The following ZNF804B variants were observed in gnomAD, a reference collection of about 807,000 sequenced individuals.
The protein encoded by ZNF804B is zinc finger protein 804B.
In ZNF804B, 80 loss-of-function variants were observed where a neutral mutation model predicts 101.4. That is an observed-to-expected ratio of 0.79 (90% CI 0.66 to 0.95). The LOEUF is 0.95. ZNF804B is among the 40% of genes least tolerant of loss of function. The pLI is 0.00. For missense variants in ZNF804B, 1,673 were observed against 1,561.9 expected (o/e 1.07, Z -1.20); for synonymous variants, 622 against 558.8 (o/e 1.11, Z -1.59).
chr7:88,796,510 T>C (rs1790487839), intron 1 of ZNF804B, among the ~76,000 whole-genome samples: 1 of 152,164 alleles, frequency 6.6e-6, no homozygotes. Context: ...ACTCTCATTC[T>C]TCTTACAGCT....
At chr7:89,231,606 T>C (rs1789192284) in intron 2 of ZNF804B, among the ~76,000 whole-genome samples, 1 of 152,060 alleles carries the variant, frequency 6.6e-6, no homozygotes, top group African/African-American at 2.4e-5. Flanking sequence ...TTAAATTGCC[T>C]TTAATTTATT....
intron 1 of ZNF804B, among the ~76,000 whole-genome samples, chr7:88,911,000 G>A (rs1458561364): frequency 6.6e-6 from 1 of 151,950 alleles, no homozygotes; most frequent in Non-Finnish European, 1.5e-5. Context: ...ATTTGTATTA[G>A]GAAATAAGAG....
At chr7:88,804,720 A>G (rs1790658135) in intron 1 of ZNF804B, among the ~76,000 whole-genome samples, 2 of 152,132 alleles carry the variant, frequency 1.3e-5, no homozygotes, top group South Asian at 4.1e-4. Flanking sequence ...ATAACCTATT[A>G]TGCTAAAATG....
At chr7:89,171,019 G>C (rs1016672334) in intron 1 of ZNF804B, among the ~76,000 whole-genome samples, 1 of 152,110 alleles carries the variant, frequency 6.6e-6, no homozygotes, top group African/African-American at 2.4e-5. Flanking sequence ...CTTATTCTTG[G>C]TAGGATTAAC....
Position 89,251,953 on chromosome 7 carries a change from C to G in ZNF804B, c.249+33658C>G, listed in dbSNP as rs1278909167. Among the ~76,000 whole-genome samples the G allele has an allele frequency of 2.0e-5, 3 of 152,102 alleles. No homozygotes were observed. In the East Asian group the frequency reaches 5.8e-4, roughly 29 times the overall value. ...ATGTAAGACCTCAAACTATAAAAAT[C>G]CTAGAAGAGAACCTAAGAAATGGCA... On this transcript the variant is annotated intron_variant, in intron 2 of 3. Coordinates refer to ENST00000333190, the MANE Select transcript of ZNF804B (RefSeq NM_181646.5).
At chr7:88,788,512 C>T (rs753754214) in intron 1 of ZNF804B, among the ~76,000 whole-genome samples, 1 of 152,176 alleles carries the variant, frequency 6.6e-6, no homozygotes, top group Non-Finnish European at 1.5e-5. Flanking sequence ...CCATTAGTTA[C>T]TGTCAACATT....
chr7:89,245,997 C>A (rs188155715), intron 2 of ZNF804B, among the ~76,000 whole-genome samples: 2 of 152,128 alleles, frequency 1.3e-5, no homozygotes, highest in Non-Finnish European at 2.9e-5. Context: ...CTGGGAAAAG[C>A]TGCAGACATT....
At position 89,218,157 on chromosome 7, in the gene ZNF804B, T is replaced by G. The variant is rs1189636044; in HGVS notation, c.111T>G (p.Asp37Glu). Reference protein sequence around the residue: ...PLCKNGSPSPDFAEKKSTAKA... With the variant: ...PLCKNGSPSPEFAEKKSTAKA... The stretch of plus-strand genomic sequence containing the variant: ...CATTTATGTATTTTTTCTTAAAGGA[T>G]TTTGCAGAAAAGAAGTCCACAGCAA... Residue 37 changes from aspartate (D) to glutamate (E), a missense_variant and splice_region_variant, in exon 2 of 4, where the codon GAT becomes GAG. Coordinates refer to ENST00000333190, the MANE Select transcript of ZNF804B (RefSeq NM_181646.5). The G allele has an allele frequency of 1.2e-6, 2 of 1,610,556 alleles. No homozygotes were observed. Among genetic ancestry groups the G allele is most frequent in the Non-Finnish European group, 1.7e-6 (2 of 1,178,920 alleles).
chr7:89,283,594 A>G (rs1464876984), intron 2 of ZNF804B, among the ~76,000 whole-genome samples: 1 of 152,194 alleles, frequency 6.6e-6, no homozygotes, highest in Non-Finnish European at 1.5e-5. Flanking sequence ...TACTATTTAT[A>G]TTCACATTGT....
At chr7:88,849,844 G>A (rs1212111354) in intron 1 of ZNF804B, among the ~76,000 whole-genome samples, 1 of 151,420 alleles carries the variant, frequency 6.6e-6, no homozygotes, top group Non-Finnish European at 1.5e-5. Flanking sequence ...AAAAATATTT[G>A]CCTTATTTAA....
intron 1 of ZNF804B, among the ~76,000 whole-genome samples, chr7:88,835,890 T>A (rs956122215): frequency 6.6e-6 from 1 of 151,978 alleles, no homozygotes. Flanking sequence ...ATTGTGTGCA[T>A]GTATATGTGT....
chr7:88,821,542 C>G (rs1466894251), intron 1 of ZNF804B, among the ~76,000 whole-genome samples: 2 of 152,066 alleles, frequency 1.3e-5, no homozygotes, highest in Non-Finnish European at 2.9e-5. Flanking sequence ...TATATTTAAA[C>G]AATATCCTTT....
intron 1 of ZNF804B, among the ~76,000 whole-genome samples, chr7:88,974,416 A>C (rs1196024457): frequency 6.6e-6 from 1 of 151,314 alleles, no homozygotes; most frequent in Non-Finnish European, 1.5e-5. Context: ...GAGGTAAAGC[A>C]TGTATCAGTT....
In ZNF804B at chr7:89,311,605, C is replaced by T. The variant is rs530809348; in HGVS notation, c.250-15739C>T. 2.0e-5 allele frequency among the ~76,000 whole-genome samples: 3 copies of T among 152,288 alleles called. No individual in the cohort carries two copies. In the East Asian group the frequency reaches 5.8e-4, roughly 29 times the overall value. ...GGATATTTCCAAACCTGAACACACT[C>T]TCTGTAGATACTTCATGGGAATTAA... On this transcript the variant is annotated intron_variant, in intron 2 of 3. Transcript: ENST00000333190.
At chr7:88,845,281 ACGCGCG>A (rs746899354) in intron 1 of ZNF804B, among the ~76,000 whole-genome samples, 1 of 128,854 alleles carries the variant, frequency 7.8e-6, no homozygotes, top group Non-Finnish European at 1.6e-5. Context: ...ATGTGTGCGC[ACGCGCG>A]CGCGCACGCG....
intron 1 of ZNF804B, among the ~76,000 whole-genome samples, chr7:88,893,062 C>G (rs868271603): frequency 1.3e-5 from 2 of 151,952 alleles, no homozygotes; most frequent in Non-Finnish European, 2.9e-5. Context: ...TTAAATTTAA[C>G]CTATTTGCTG....
chr7:89,021,731 A>T (rs1030459287), intron 1 of ZNF804B, among the ~76,000 whole-genome samples: 2 of 152,176 alleles, frequency 1.3e-5, no homozygotes, highest in Non-Finnish European at 2.9e-5. Flanking sequence ...GCGACAACAC[A>T]GCCACCCATG....
intron 1 of ZNF804B, among the ~76,000 whole-genome samples, chr7:89,157,148 C>G (rs1261461332): frequency 1.3e-5 from 2 of 152,106 alleles, no homozygotes; most frequent in African/African-American, 2.4e-5. Context: ...AAAACAAATG[C>G]CTAGGGTAGC....
intron 1 of ZNF804B, among the ~76,000 whole-genome samples, chr7:88,968,009 CT>C (rs998303608): frequency 4.6e-5 from 7 of 151,360 alleles, no homozygotes; most frequent in Admixed American, 4.0e-4. Flanking sequence ...ATACAGGACA[CT>C]TTTTTATAAA....
Sources: allele counts gnomAD v4.1 joint callset (sites outside exome capture counted in the v4.1 genomes callset), GRCh38; gene constraint gnomAD v4.1.1; transcripts MANE v1.5; gene names NCBI Gene and HGNC (gene_info 2026-07-23, HGNC 2026-07-21).